MALT1: variants seen among roughly 807,000 people sequenced by gnomAD.
The protein encoded by MALT1 is MALT1 paracaspase, also known as mucosa-associated lymphoid tissue lymphoma translocation protein 1.
A neutral mutation model predicts 85.5 loss-of-function variants in MALT1; 36 were observed. That is an observed-to-expected ratio of 0.42 (90% CI 0.32 to 0.56). The LOEUF is 0.56. MALT1 is among the 20% of genes least tolerant of loss of function. The pLI is 0.10. For missense variants in MALT1, 716 were observed against 981.6 expected, an observed-to-expected ratio of 0.73 and a Z score of 3.62; for synonymous variants, 359 against 361.3, an observed-to-expected ratio of 0.99 and a Z score of 0.07.
chr18:58,709,979 C>A lies in MALT1; in HGVS notation c.832C>A (p.Pro278Thr). The A allele has an allele frequency of 6.3e-7, 1 of 1,593,104 alleles. No homozygotes were observed. The highest frequency in any genetic ancestry group is 8.6e-7 in the Non-Finnish European group (1 of 1,163,338). The change falls in exon 6 of 17, where the codon CCT (proline) becomes ACT (threonine). Residue 278 changes from proline (P) to threonine (T), a missense_variant. Around this residue, in one of 4 missense-constraint regions of MALT1, gnomAD observed 290 missense variants for 380.5 expected, o/e 0.76. Transcript: ENST00000649217. The part of the protein sequence containing the change: ...THETKKLYMV[P>T]YVDLEHQGTY... ...ACATGTTCTAATATTGATATAGGTG[C>A]CTTATGTGGATTTGGAACACCAAGG...
At chr18:58,696,249 G>A (rs1313320110) in intron 2 of MALT1, 117 bp from the exon 3 acceptor site, 2 of 828,126 alleles carry the variant, frequency 2.4e-6, no homozygotes, top group African/African-American at 1.8e-5. Flanking sequence ...AGTGATTTAT[G>A]ACAAAGATAA....
Position 58,681,295 on chromosome 18 carries a change from C to A in MALT1, c.335C>A (p.Ala112Asp), listed in dbSNP as rs2054319658. 1.2e-6 allele frequency: 2 copies of A among 1,613,936 alleles called. No homozygotes were observed. The highest frequency in any genetic ancestry group is 3.3e-5 in the Admixed American group (2 of 60,002). ...ACAGAATTGAGTGATTTCCTGCAGG[C>A]TATGGAACACACTGAAGTTCTTCAG... Reference protein sequence around the residue: ...TVTELSDFLQAMEHTEVLQLL... With the variant: ...TVTELSDFLQDMEHTEVLQLL... The change falls in exon 2 of 17, where the codon GCT becomes GAT. Residue 112 changes from alanine to aspartate, a missense_variant. Physicochemically the swap from Ala to Asp is moderately radical, Grantham distance 126. Around this residue, in one of 4 missense-constraint regions of MALT1, gnomAD observed 290 missense variants for 380.5 expected, o/e 0.76. Coordinates refer to ENST00000649217, the MANE Select transcript of MALT1 (RefSeq NM_006785.4).
intron 10 of MALT1, among the ~76,000 whole-genome samples, chr18:58,731,560 C>T (rs1032460343): frequency 6.6e-6 from 1 of 152,174 alleles, no homozygotes; most frequent in African/African-American, 2.4e-5. Flanking sequence ...GTGTTTATTT[C>T]TGTTCTCCTG....
chr18:58,733,335 C>A, intron 10 of MALT1, 62 bp from the exon 11 acceptor site: 1 of 1,082,132 alleles, frequency 9.2e-7, no homozygotes, highest in South Asian at 1.5e-5. Context: ...GTTATGCAGT[C>A]TGTATGTTCA....
In MALT1 at chr18:58,748,004, ATTAT is replaced by A. The variant is rs2055394734; in HGVS notation, c.*166_*169del. ...CAGGACTTTGAGATGTTGAAATTAC[ATTAT>A]TTAATTACAGACTTCCTCTTTCTAA... On this transcript the variant is annotated 3_prime_UTR_variant, in exon 17 of 17. Coordinates refer to ENST00000649217, the MANE Select transcript of MALT1 (RefSeq NM_006785.4). 5 of 601,514 alleles carry A rather than the reference ATTAT, an allele frequency of 8.3e-6. No homozygotes were observed. 37.3% of individuals were successfully genotyped at this position (601,514 alleles called of 1,614,324 possible).
intron 10 of MALT1, among the ~76,000 whole-genome samples, chr18:58,725,199 G>A (rs771669145): frequency 6.4e-4 from 97 of 151,950 alleles, no homozygotes; most frequent in Admixed American, 2.0e-4. Flanking sequence ...GTGCATGCCT[G>A]TAATCCCAGC....
At position 58,722,944 on chromosome 18, in the gene MALT1, A is replaced by G. The variant is rs1302491736; in HGVS notation, c.1019-104A>G. 4 of 705,958 alleles carry G rather than the reference A, an allele frequency of 5.7e-6. No individual in the cohort carries two copies. The East Asian group carries it at 1.1e-4, about 19-fold the overall frequency. The allele number at this position is 705,958 out of a possible 1,614,324, so 43.7% of individuals were successfully genotyped here. On this transcript the variant is annotated intron_variant, in intron 9 of 16. Transcript: ENST00000649217. The stretch of plus-strand genomic sequence containing the variant: ...ATAATGAAATCTTATTTGAAATGAA[A>G]TAATGCAATCTTAAAGCATACTTTT...
chr18:58,729,752 A>C (rs1194615817), intron 10 of MALT1, among the ~76,000 whole-genome samples: 1 of 152,232 alleles, frequency 6.6e-6, no homozygotes, highest in Non-Finnish European at 1.5e-5. Flanking sequence ...CCAAATCCAA[A>C]ACACTCCTGG....
At chr18:58,677,605 C>T (rs1201406619) in intron 1 of MALT1, 2 of 152,146 alleles carry the variant, frequency 1.3e-5, no homozygotes, top group African/African-American at 4.8e-5. Context: ...TTTCTGTCAT[C>T]ATAGTCACCA....
chr18:58,674,507 G>A (rs1392963104), intron 1 of MALT1, among the ~76,000 whole-genome samples: 1 of 152,146 alleles, frequency 6.6e-6, no homozygotes, highest in African/African-American at 2.4e-5. Context: ...AAGGGTTGGA[G>A]AATTTGGGAA....
intron 1 of MALT1, among the ~76,000 whole-genome samples, chr18:58,677,389 A>G (rs78847530): frequency 0.054 from 8,218 of 152,268 alleles, 354 homozygotes; most frequent in East Asian, 0.22. Context: ...AATTTCATTT[A>G]TCAGATCCTG....
In MALT1 at chr18:58,749,031, A is replaced by C. The variant is rs1293126926; in HGVS notation, c.*1189A>C. 1 of 211,778 alleles carries C rather than the reference A, an allele frequency of 4.7e-6. No homozygotes were observed. Among genetic ancestry groups the C allele is most frequent in the Non-Finnish European group, 9.6e-6 (1 of 104,552 alleles). 13.1% of individuals were successfully genotyped at this position (211,778 alleles called of 1,614,324 possible). A position where few individuals can be genotyped will look rare whatever the true frequency, so the allele number is the denominator to read the frequency against. ...ATTAACAAAAATATTAGCAAACTGA[A>C]TCCAGCAACCTATAAAAAGGATTCT... On this transcript the variant is annotated 3_prime_UTR_variant, in exon 17 of 17. Transcript: ENST00000649217.
At chr18:58,736,733 TC>T (rs1181281880) in intron 13 of MALT1, among the ~76,000 whole-genome samples, 2 of 152,230 alleles carry the variant, frequency 1.3e-5, no homozygotes, top group African/African-American at 4.8e-5. Context: ...TCCTACCATG[TC>T]TGCTTAACCA....
rs552838701 is a variant in MALT1, at chr18:58,688,536, CAAAAAAAAAAAAA to C, written c.376+7215_376+7227del. Among the ~76,000 whole-genome samples, 4 of 61,402 alleles carry C rather than the reference CAAAAAAAAAAAAA, an allele frequency of 6.5e-5. 1 individual carries two copies. In the South Asian group the frequency reaches 3.5e-3, roughly 54 times the overall value. 40.3% of individuals were successfully genotyped at this position (61,402 alleles called of 152,430 possible). ...GCAACATAATGAGGCCCTGTTTCTACAAAAAAAAAAAAAAAAAAAAAAAAAAATACTAATTTTA... is the reference window on the plus strand; with the variant it reads ...GCAACATAATGAGGCCCTGTTTCTACAAAAAAAAAAAAAATACTAATTTTA... On this transcript the variant is annotated intron_variant, in intron 2 of 16. Coordinates refer to ENST00000649217, the MANE Select transcript of MALT1 (RefSeq NM_006785.4).
chr18:58,740,967 G>A (rs1027047805), intron 13 of MALT1, among the ~76,000 whole-genome samples: 6 of 152,022 alleles, frequency 3.9e-5, no homozygotes, highest in African/African-American at 1.4e-4. Flanking sequence ...TTATCATTAT[G>A]TAGTGATGCC....
At chr18:58,734,042 A>T (rs770395267) in intron 11 of MALT1, 1 of 1,273,258 alleles carries the variant, frequency 7.9e-7, no homozygotes, top group Non-Finnish European at 9.9e-7. Flanking sequence ...CTGTTCCTCT[A>T]GATTTACTAT....
chr18:58,696,134 G>T (rs1390208365), intron 2 of MALT1, among the ~76,000 whole-genome samples: 3 of 152,108 alleles, frequency 2.0e-5, no homozygotes, highest in African/African-American at 7.2e-5. Flanking sequence ...CCAATCATGG[G>T]GAAGTACAAT....
At chr18:58,691,710 T>A in intron 2 of MALT1, 1 of 153,898 alleles carries the variant, frequency 6.5e-6, no homozygotes, top group East Asian at 1.9e-4. Context: ...TTACTAAAAA[T>A]ACAAAAAATT....
In MALT1 at chr18:58,681,151, T is replaced by C. The variant is rs200992488; in HGVS notation, c.210-19T>C. 79 of 1,610,662 alleles carry C rather than the reference T, an allele frequency of 4.9e-5. No homozygotes were observed. Among genetic ancestry groups the C allele is most frequent in the Non-Finnish European group, 6.4e-5 (76 of 1,178,414 alleles). On this transcript the variant is annotated intron_variant, in intron 1 of 16. Coordinates refer to ENST00000649217, the MANE Select transcript of MALT1 (RefSeq NM_006785.4). ...TGTGGAAGAAAGCTGTTGACTTGAA[T>C]TCTTTCTGTTGCTTTCAGTTGCCTA...
Sources: gnomAD v4.1 joint callset for allele counts (sites outside exome capture counted in the v4.1 genomes callset) on GRCh38, gnomAD v4.1.1 for gene constraint, gnomAD v4.1.1 regional missense constraint, MANE v1.5 for transcripts, NCBI Gene and HGNC (gene_info 2026-07-23, HGNC 2026-07-21) for gene names.